The following AK9 variants were observed in gnomAD, a reference collection of about 807,000 sequenced individuals.
The protein encoded by AK9 is adenylate kinase 9, also known as adenylate kinase domain containing 1.
A neutral mutation model predicts 239.6 loss-of-function variants in AK9; 191 were observed. The observed-to-expected ratio is 0.80, with a 90% CI of 0.71 to 0.90. AK9 has a LOEUF of 0.90. Among genes scored for constraint, AK9 ranks in the 40% least tolerant of loss-of-function variants. The pLI is 0.00. For synonymous variants in AK9, 689 were observed against 721.0 expected, an observed-to-expected ratio of 0.96 and a Z score of 0.71; for missense variants, 1,995 against 2,214.7, an observed-to-expected ratio of 0.90 and a Z score of 1.99.
At chr6:109,674,452 A>G (rs1036524627) in intron 2 of AK9, among the ~76,000 whole-genome samples, 191 bp from the exon 3 acceptor site, 1 of 152,186 alleles carries the variant, frequency 6.6e-6, no homozygotes. Context: ...CATATGTCAC[A>G]TCTCCTAAAG....
intron 8 of AK9, among the ~76,000 whole-genome samples, chr6:109,656,300 T>C (rs1410095559): frequency 6.6e-6 from 1 of 152,200 alleles, no homozygotes; most frequent in Admixed American, 6.5e-5. Flanking sequence ...TCTTACCATG[T>C]TTACATATAA....
chr6:109,635,768 A>G (rs1020804714), intron 10 of AK9, among the ~76,000 whole-genome samples: 9 of 152,208 alleles, frequency 5.9e-5, no homozygotes, highest in Non-Finnish European at 1.2e-4. Context: ...CTTGCACCAC[A>G]AAAACTAATT....
intron 8 of AK9, among the ~76,000 whole-genome samples, chr6:109,646,176 T>C (rs1798035091): frequency 6.6e-6 from 1 of 152,078 alleles, no homozygotes; most frequent in Admixed American, 6.5e-5. Flanking sequence ...AAAACCAGAG[T>C]GCCTCTAATC....
chr6:109,564,630 T>C, intron 22 of AK9, 126 bp downstream of exon 22: 1 of 645,916 alleles, frequency 1.5e-6, no homozygotes, highest in South Asian at 2.9e-5. Flanking sequence ...TTTATGTATG[T>C]CAATTAGCAT....
chr6:109,574,439 A>G (rs568359245), intron 20 of AK9, among the ~76,000 whole-genome samples: 2 of 152,300 alleles, frequency 1.3e-5, no homozygotes, highest in South Asian at 2.1e-4. Flanking sequence ...CAATTTTGGA[A>G]CAGTGATAAA....
intron 8 of AK9, among the ~76,000 whole-genome samples, chr6:109,649,294 G>C (rs1318358826): frequency 3.3e-5 from 5 of 151,878 alleles, no homozygotes; most frequent in African/African-American, 1.2e-4. Context: ...AAAAGAGGAA[G>C]TCAAATTGTC....
chr6:109,539,535 G>A (rs908155982), intron 27 of AK9, among the ~76,000 whole-genome samples: 6 of 152,106 alleles, frequency 3.9e-5, no homozygotes, highest in African/African-American at 7.2e-5. Flanking sequence ...CAGCTTCTTT[G>A]CTATGGGTTC....
intron 28 of AK9, among the ~76,000 whole-genome samples, chr6:109,530,057 G>T (rs1781029174): frequency 6.6e-6 from 1 of 152,180 alleles, no homozygotes; most frequent in South Asian, 2.1e-4. Context: ...TATATAGATA[G>T]TCCTCCAACC....
intron 5 of AK9, among the ~76,000 whole-genome samples, chr6:109,667,388 T>C (rs974849587): frequency 6.6e-6 from 1 of 152,090 alleles, no homozygotes. Context: ...TAATTATTTT[T>C]TCTTTTGTTT....
chr6:109,621,919 AAAAACAGAAAGAGAAATTCCAGAGC>A (rs1794892149), intron 12 of AK9, among the ~76,000 whole-genome samples: 1 of 112,486 alleles, frequency 8.9e-6, no homozygotes, highest in Non-Finnish European at 1.9e-5. Context: ...AAAACAAAAA[AAAAACAGAAAGAGAAATTCCAGAGC>A]AAAAAAAACA....
rs190426299 is a variant in AK9, at chr6:109,670,481, G to A, written c.331+1438C>T. Among the ~76,000 whole-genome samples, 183 of 152,260 alleles carry A rather than the reference G, an allele frequency of 1.2e-3. 2 individuals are homozygous for A. The highest frequency in any genetic ancestry group is 3.4e-3 in the Middle Eastern group (1 of 294). On this transcript the variant is annotated intron_variant, in intron 5 of 40. Coordinates refer to ENST00000424296, the MANE Select transcript of AK9 (RefSeq NM_001145128.3). ...TTTGGACATATGCTGAACCTGAGTG[G>A]TAATGTGGAAGCATCTTTATACTAA...
chr6:109,497,362 A>ACACACTCTCTCT lies in AK9; in HGVS notation c.5315+102_5315+103insAGAGAGAGTGTG, dbSNP rs1554230922. 211 of 500,452 alleles carry ACACACTCTCTCT rather than the reference A, an allele frequency of 4.2e-4. No individual in the cohort carries two copies. The African/African-American group carries it at 5.0e-3, about 12-fold the overall frequency. The allele number at this position is 500,452 out of a possible 1,614,324, so 31.0% of individuals were successfully genotyped here. A position where few individuals can be genotyped will look rare whatever the true frequency, so the allele number is the denominator to read the frequency against. ...CACACACACACACACACACACACAC[A>ACACACTCTCTCT]CTCTCTCTCTCTCTCTCTCTCTCAC... is the stretch of plus-strand genomic sequence containing the variant. On this transcript the variant is annotated intron_variant, in intron 38 of 40. Coordinates refer to ENST00000424296, the MANE Select transcript of AK9 (RefSeq NM_001145128.3).
At chr6:109,565,578 G>A (rs1786370256) in intron 21 of AK9, among the ~76,000 whole-genome samples, 1 of 152,176 alleles carries the variant, frequency 6.6e-6, no homozygotes, top group Admixed American at 6.5e-5. Flanking sequence ...TAGGCATGGA[G>A]AGATTTAAGA....
chr6:109,596,930 T>C (rs1791113414), intron 17 of AK9, among the ~76,000 whole-genome samples: 1 of 152,328 alleles, frequency 6.6e-6, no homozygotes, highest in African/African-American at 2.4e-5. Context: ...TGAAATAAAA[T>C]TTAATGGCTT....
chr6:109,672,252 A>G (rs1771028234), intron 3 of AK9, 85 bp from the exon 4 acceptor site: 1 of 1,112,170 alleles, frequency 9.0e-7, no homozygotes, highest in Non-Finnish European at 1.3e-6. Context: ...TGTAACTGGT[A>G]ACAAAGATTA....
intron 30 of AK9, 97 bp downstream of exon 30, chr6:109,516,333 T>C: frequency 2.7e-6 from 3 of 1,114,724 alleles, no homozygotes; most frequent in Non-Finnish European, 3.8e-6. Context: ...AAATATACAT[T>C]TTTTAAATGT....
chr6:109,574,462 T>C (rs1367701293), intron 20 of AK9, among the ~76,000 whole-genome samples: 1 of 152,138 alleles, frequency 6.6e-6, no homozygotes, highest in Non-Finnish European at 1.5e-5. Flanking sequence ...TATAAAGATA[T>C]GTAAAACTAT....
At chr6:109,558,259 C>T (rs1785265638) in intron 24 of AK9, among the ~76,000 whole-genome samples, 1 of 151,924 alleles carries the variant, frequency 6.6e-6, no homozygotes, top group African/African-American at 2.4e-5. Context: ...ATTTATCATT[C>T]TTTTTCTTTA....
At chr6:109,638,442 T>G (rs1167757276) in intron 10 of AK9, among the ~76,000 whole-genome samples, 2 of 152,166 alleles carry the variant, frequency 1.3e-5, no homozygotes, top group Non-Finnish European at 2.9e-5. Context: ...AAATTTGAAT[T>G]ATGTCTATTT....
Sources: gnomAD v4.1 joint callset for allele counts (sites outside exome capture counted in the v4.1 genomes callset) on GRCh38, gnomAD v4.1.1 for gene constraint, MANE v1.5 for transcripts, NCBI Gene and HGNC (gene_info 2026-07-23, HGNC 2026-07-21) for gene names.